The following TP53I3 variants were observed in gnomAD, a reference collection of about 807,000 sequenced individuals.
TP53I3 encodes the protein tumor protein p53 inducible protein 3.
Under a neutral mutation model 27.7 loss-of-function variants are expected in TP53I3, and 32 were observed. The observed-to-expected ratio is 1.16, with a 90% CI of 0.87 to 1.55. The LOEUF is 1.55. Ranked by LOEUF, TP53I3 falls within the 40% of genes most tolerant of loss-of-function variation. The pLI is 0.00. For synonymous variants in TP53I3, 138 were observed against 167.8 expected (o/e 0.82, Z 1.37); for missense variants, 372 against 412.3 (o/e 0.90, Z 0.85).
rs1664828067 is a variant in TP53I3 at position 24,077,871 on chromosome 2, A to C, written c.817-110T>G. 8.3e-7 allele frequency: 1 copy of C among 1,207,778 alleles called. No homozygotes were observed. Among genetic ancestry groups the C allele is most frequent in the Non-Finnish European group, 1.2e-6 (1 of 860,522 alleles). The allele number at this position is 1,207,778 out of a possible 1,614,324, so 74.8% of individuals were successfully genotyped here. ...TGAAGCCACGTATCTGAAAAAGCAC[A>C]CAGGGACACTTAACCCCTCACTTCC... On this transcript the variant is annotated intron_variant, in intron 4 of 4. Coordinates refer to ENST00000238721, the MANE Select transcript of TP53I3 (RefSeq NM_004881.5). The surrounding 1 kb of genome is among the most constrained non-coding windows in gnomAD (Gnocchi z 5.5).
rs1310973773 is a variant in TP53I3, at chr2:24,080,005, T to G, written c.620-365A>C. 2.6e-5 allele frequency among the ~76,000 whole-genome samples: 4 copies of G among 152,124 alleles called. No homozygotes were observed. The highest frequency in any genetic ancestry group is 5.9e-5 in the Non-Finnish European group (4 of 68,036). ...CATAGAAGTTAGGAAGTGTCCGCAC[T>G]AGGTTATTGGAATCATAGGCTTTCT... is the stretch of plus-strand genomic sequence containing the variant. On this transcript the variant is annotated intron_variant, in intron 3 of 4. Transcript: ENST00000238721. The surrounding 1 kb of genome is among the most constrained non-coding windows in gnomAD (Gnocchi z 4.7).
In TP53I3 at chr2:24,084,457, T is replaced by C; in HGVS notation, c.-131A>G. 8.3e-7 allele frequency: 1 copy of C among 1,206,726 alleles called. No individual in the cohort carries two copies. Among genetic ancestry groups the C allele is most frequent in the Non-Finnish European group, 1.1e-6 (1 of 916,984 alleles). The allele number at this position is 1,206,726 out of a possible 1,614,324, so 74.8% of individuals were successfully genotyped here. On this transcript the variant is annotated 5_prime_UTR_variant, in exon 1 of 5. Transcript: ENST00000238721. The surrounding 1 kb of genome is among the most constrained non-coding windows in gnomAD (Gnocchi z 8.4). ...CTCGCGGAGCAGCCCAGCCTCAGGC[T>C]GGCACCGCAGCGCCCCCTGCCGGCC...
Position 24,080,986 on chromosome 2 carries a change from C to T in TP53I3, c.452G>A (p.Ser151Asn). ...TTGGATAGCAGCTGTGCCCACACCA[C>T]TCAGTCCTGCATGGATTAGCACATA... ...GDYVLIHAGL[S>N]GVGTAAIQLT... The change falls in exon 3 of 5, where the codon AGT becomes AAT. Residue 151 changes from serine to asparagine, a missense_variant. Transcript: ENST00000238721. The surrounding 1 kb of genome is among the most constrained non-coding windows in gnomAD (Gnocchi z 4.7). 2 of 1,614,224 alleles carry T rather than the reference C, an allele frequency of 1.2e-6. No homozygotes were observed. The highest frequency in any genetic ancestry group is 1.7e-6 in the Non-Finnish European group (2 of 1,180,038).
At position 24,084,147 on chromosome 2, in the gene TP53I3, T is replaced by TCCA. The variant is rs1665142635; in HGVS notation, c.138+41_138+42insTGG. 1 of 1,579,910 alleles carries TCCA rather than the reference T, an allele frequency of 6.3e-7. No homozygotes were observed. The highest frequency in any genetic ancestry group is 1.3e-5 in the African/African-American group (1 of 74,634). On this transcript the variant is annotated intron_variant, in intron 1 of 4. Coordinates refer to ENST00000238721, the MANE Select transcript of TP53I3 (RefSeq NM_004881.5). This position sits in a 1 kb window ranked among gnomAD's most constrained non-coding sequence, Gnocchi z 8.4. ...CACTGAGTGCTGTTGAGAGGGAGGC[T>TCCA]CTGGAGTCCCGCCCGCCCCGGCGCG... is the stretch of plus-strand genomic sequence containing the variant.
intron 2 of TP53I3, among the ~76,000 whole-genome samples, chr2:24,082,344 C>T (rs1665042870): frequency 6.6e-6 from 1 of 152,192 alleles, no homozygotes; most frequent in South Asian, 2.1e-4. Flanking sequence ...ACCCACCCTT[C>T]AAAGCCTTCC....
rs1043776561 is a variant in TP53I3 at position 24,079,596 on chromosome 2, A to G, written c.664T>C (p.Trp222Arg). The G allele has an allele frequency of 6.2e-7, 1 of 1,614,178 alleles. No individual in the cohort carries two copies. Among genetic ancestry groups the G allele is most frequent in the Non-Finnish European group, 8.5e-7 (1 of 1,180,034 alleles). The change falls in exon 4 of 5, where the codon TGG (tryptophan) becomes CGG (arginine). Residue 222 changes from tryptophan to arginine, a missense_variant. By Grantham distance (101) the Trp-to-Arg change is moderately radical. Coordinates refer to ENST00000238721, the MANE Select transcript of TP53I3 (RefSeq NM_004881.5). Reference protein sequence around the residue: ...LILDCIGGSYWEKNVNCLALD... With the variant: ...LILDCIGGSYREKNVNCLALD... ...GCCAGGCAGTTGACGTTCTTCTCCC[A>G]GTAGGATCCGCCTATGCAGTCTAGA...
chr2:24,077,897 T>A lies in TP53I3; in HGVS notation c.817-136A>T. The A allele has an allele frequency of 1.1e-6, 1 of 875,100 alleles. No individual in the cohort carries two copies. The highest frequency in any genetic ancestry group is 1.7e-6 in the Non-Finnish European group (1 of 575,548). The allele number at this position is 875,100 out of a possible 1,614,324, so 54.2% of individuals were successfully genotyped here. A position where few individuals can be genotyped will look rare whatever the true frequency, so the allele number is the denominator to read the frequency against. Reference sequence around the variant, plus strand: ...CAGGGACACTTAACCCCTCACTTCCTAGCATGTGTGTGAAATACCCTTGAA... The same window carrying A: ...CAGGGACACTTAACCCCTCACTTCCAAGCATGTGTGTGAAATACCCTTGAA... On this transcript the variant is annotated intron_variant, in intron 4 of 4. Coordinates refer to ENST00000238721, the MANE Select transcript of TP53I3 (RefSeq NM_004881.5). This position sits in a 1 kb window ranked among gnomAD's most constrained non-coding sequence, Gnocchi z 5.5.
Position 24,084,256 on chromosome 2 carries a change from C to T in TP53I3, c.71G>A (p.Ser24Asn), listed in dbSNP as rs562956067. The T allele has an allele frequency of 1.2e-6, 2 of 1,614,040 alleles. No homozygotes were observed. Among genetic ancestry groups the T allele is most frequent in the South Asian group, 1.1e-5 (1 of 91,080 alleles). Reference protein sequence around the residue: ...NLYVKEVAKPSPGEGEVLLKV... With the variant: ...NLYVKEVAKPNPGEGEVLLKV... Reference sequence around the variant, plus strand: ...CAGGAGGACTTCACCCTCCCCCGGGCTCGGCTTGGCCACCTCCTTCACGTA... The same window carrying T: ...CAGGAGGACTTCACCCTCCCCCGGGTTCGGCTTGGCCACCTCCTTCACGTA... Residue 24 changes from serine to asparagine, a missense_variant, in exon 1 of 5, where the codon AGC (serine) becomes AAC (asparagine). By Grantham distance (46) the Ser-to-Asn change is conservative (BLOSUM62 1). Coordinates refer to ENST00000238721, the MANE Select transcript of TP53I3 (RefSeq NM_004881.5). This position sits in a 1 kb window ranked among gnomAD's most constrained non-coding sequence, Gnocchi z 8.4.
In TP53I3 at chr2:24,084,459, G is replaced by T. The variant is rs1665172447; in HGVS notation, c.-133C>A. 8.6e-7 allele frequency: 1 copy of T among 1,161,494 alleles called. No individual in the cohort carries two copies. The allele number at this position is 1,161,494 out of a possible 1,614,324, so 71.9% of individuals were successfully genotyped here. On this transcript the variant is annotated 5_prime_UTR_variant, in exon 1 of 5. Coordinates refer to ENST00000238721, the MANE Select transcript of TP53I3 (RefSeq NM_004881.5). This position sits in a 1 kb window ranked among gnomAD's most constrained non-coding sequence, Gnocchi z 8.4. ...CGCGGAGCAGCCCAGCCTCAGGCTGGCACCGCAGCGCCCCCTGCCGGCCAG... is the reference window on the plus strand; with the variant it reads ...CGCGGAGCAGCCCAGCCTCAGGCTGTCACCGCAGCGCCCCCTGCCGGCCAG...
rs767045697 is a variant in TP53I3 at position 24,083,010 on chromosome 2, C to T, written c.281G>A (p.Gly94Asp). The change falls in exon 2 of 5, where the codon GGC becomes GAC. Residue 94 changes from glycine to aspartate, a missense_variant. Transcript: ENST00000238721. ...DTAMALLPGG[G>D]QAQYVTVPEG... ...GGGGACAGTGACGTACTGAGCCTGG[C>T]CCCCACCGGGGAGCAGAGCCATGGC... 1.9e-6 allele frequency: 3 copies of T among 1,614,174 alleles called. No homozygotes were observed. Among genetic ancestry groups the T allele is most frequent in the South Asian group, 2.2e-5 (2 of 91,088 alleles).
chr2:24,083,180 T>G, intron 1 of TP53I3, 28 bp from the exon 2 acceptor site: 1 of 1,564,768 alleles, frequency 6.4e-7, no homozygotes, highest in Non-Finnish European at 8.7e-7. Context: ...CACTAAGTGG[T>G]GAGCATGATC....
Position 24,083,015 on chromosome 2 carries a change from A to G in TP53I3, c.276T>C (p.Gly92=). 6.2e-7 allele frequency: 1 copy of G among 1,614,118 alleles called. No individual in the cohort carries two copies. The highest frequency in any genetic ancestry group is 8.5e-7 in the Non-Finnish European group (1 of 1,179,994). Residue 92 remains glycine (G), a synonymous_variant, in exon 2 of 5, where the codon GGT becomes GGC. Coordinates refer to ENST00000238721, the MANE Select transcript of TP53I3 (RefSeq NM_004881.5). The stretch of plus-strand genomic sequence containing the variant: ...CAGTGACGTACTGAGCCTGGCCCCC[A>G]CCGGGGAGCAGAGCCATGGCTGTGT... ...IGDTAMALLP[G]GGQAQYVTVP...
At chr2:24,079,736 G>A (rs1664918870) in intron 3 of TP53I3, 96 bp from the exon 4 acceptor site, 1 of 1,201,062 alleles carries the variant, frequency 8.3e-7, no homozygotes, top group Admixed American at 2.3e-5. Context: ...ACAGATGCAA[G>A]TGGTAAATCT....
intron 4 of TP53I3, chr2:24,078,880 CT>C (rs35298792): frequency 0.28 from 42,463 of 149,634 alleles, 6,386 homozygotes; most frequent in South Asian, 0.39. Context: ...AGCATATAAT[CT>C]TTTTTTTTTT....
In TP53I3 at chr2:24,079,439, C is replaced by T; in HGVS notation, c.816+5G>A. Reference sequence around the variant, plus strand: ...TCACATGTTTTCTTTTCATTCATCACTCACCTTATTGTCCCTAGACCTCAG... The same window carrying T: ...TCACATGTTTTCTTTTCATTCATCATTCACCTTATTGTCCCTAGACCTCAG... On this transcript the variant is annotated splice_donor_5th_base_variant and intron_variant, in intron 4 of 4. Coordinates refer to ENST00000238721, the MANE Select transcript of TP53I3 (RefSeq NM_004881.5). 7.4e-6 allele frequency: 12 copies of T among 1,613,432 alleles called. No individual in the cohort carries two copies. The highest frequency in any genetic ancestry group is 1.0e-5 in the Non-Finnish European group (12 of 1,179,642).
Position 24,084,223 on chromosome 2 carries a change from G to T in TP53I3, c.104C>A (p.Ala35Glu). Residue 35 changes from alanine to glutamate, a missense_variant, in exon 1 of 5, where the codon GCG becomes GAG. Coordinates refer to ENST00000238721, the MANE Select transcript of TP53I3 (RefSeq NM_004881.5). The surrounding 1 kb of genome is among the most constrained non-coding windows in gnomAD (Gnocchi z 8.4). The part of the protein sequence containing the change: ...PGEGEVLLKV[A>E]ASALNRADLM... ...GTCCGCCCGGTTCAGGGCGCTGGCC[G>T]CCACCTTCAGGAGGACTTCACCCTC... 1 of 1,613,818 alleles carries T rather than the reference G, an allele frequency of 6.2e-7. No individual in the cohort carries two copies. Among genetic ancestry groups the T allele is most frequent in the Non-Finnish European group, 8.5e-7 (1 of 1,179,924 alleles).
chr2:24,084,290 C>A lies in TP53I3; in HGVS notation c.37G>T (p.Glu13Ter). ...AVHFDKPGGP[E>*]NLYVKEVAKP... ...GCCACCTCCTTCACGTAGAGGTTTT[C>A]CGGTCCTCCCGGCTTGTCAAAGTGC... Residue 13 changes from glutamate to a stop codon, truncating the protein, a stop_gained, in exon 1 of 5, where the codon GAA becomes TAA. Coordinates refer to ENST00000238721, the MANE Select transcript of TP53I3 (RefSeq NM_004881.5). LOFTEE classifies it high-confidence loss of function. The surrounding 1 kb of genome is among the most constrained non-coding windows in gnomAD (Gnocchi z 8.4). 1 of 1,614,074 alleles carries A rather than the reference C, an allele frequency of 6.2e-7. No homozygotes were observed. The highest frequency in any genetic ancestry group is 1.7e-4 in the Middle Eastern group (1 of 6,056).
intron 4 of TP53I3, chr2:24,079,180 T>C (rs943999485): frequency 1.3e-5 from 6 of 445,974 alleles, no homozygotes; most frequent in East Asian, 3.7e-5. Context: ...CTTCCTAATA[T>C]AGTCAGTGCT....
intron 1 of TP53I3, 91 bp from the exon 2 acceptor site, chr2:24,083,243 T>A: frequency 1.4e-6 from 2 of 1,472,754 alleles, no homozygotes; most frequent in South Asian, 2.8e-5. Context: ...CCCTCTTTTT[T>A]TTTTCAAAAA....
Sources: gnomAD v4.1 joint callset for allele counts (sites outside exome capture counted in the v4.1 genomes callset) on GRCh38, gnomAD v4.1.1 for gene constraint, Gnocchi (gnomAD v3.1) non-coding constraint, MANE v1.5 for transcripts, NCBI Gene and HGNC (gene_info 2026-07-23, HGNC 2026-07-21) for gene names.